Variants in FGL1 observed in about 807,000 individuals in gnomAD.
FGL1 encodes the protein fibrinogen-like protein 1.
In FGL1, 59 loss-of-function variants were observed where a neutral mutation model predicts 43.7. The observed-to-expected ratio is 1.35, with a 90% CI of 1.10 to 1.68. FGL1 has a LOEUF of 1.68. Among genes scored for constraint, FGL1 ranks in the 40% most tolerant of loss-of-function variants. FGL1 has a pLI of 0.00. For synonymous variants in FGL1, 192 were observed against 126.5 expected (o/e 1.52, Z -3.48); for missense variants, 596 against 373.0 (o/e 1.60, Z -4.92).
At chr8:17,885,204 C>G (rs2131736424) in intron 2 of FGL1, among the ~76,000 whole-genome samples, 1 of 151,844 alleles carries the variant, frequency 6.6e-6, no homozygotes, top group African/African-American at 2.4e-5. Flanking sequence ...TCACGCCCGG[C>G]TAATTTTTTG....
At chr8:17,892,078 T>C (rs181132217) in intron 1 of FGL1, among the ~76,000 whole-genome samples, 70 of 152,328 alleles carry the variant, frequency 4.6e-4, no homozygotes, top group African/African-American at 1.6e-3. Flanking sequence ...TGGCAATAAA[T>C]ATGTTTTTTG....
At chr8:17,877,444 C>G (rs1387182154) in intron 3 of FGL1, among the ~76,000 whole-genome samples, 6 of 152,044 alleles carry the variant, frequency 3.9e-5, no homozygotes, top group Non-Finnish European at 7.4e-5. Flanking sequence ...TTCCTCTTGT[C>G]TCAGGATGGT....
chr8:17,878,342 A>C (rs1385052125), intron 3 of FGL1, among the ~76,000 whole-genome samples: 1 of 152,226 alleles, frequency 6.6e-6, no homozygotes, highest in East Asian at 1.9e-4. Flanking sequence ...AATATGGGAC[A>C]CACAGAGGTT....
chr8:17,882,748 T>TATATA (rs1563457515), intron 2 of FGL1: 6 of 103,146 alleles, frequency 5.8e-5, no homozygotes, highest in East Asian at 2.4e-4. Context: ...TAATATATAA[T>TATATA]ATATATAATA....
rs560929772 is a variant in FGL1 at position 17,875,568 on chromosome 8, T to C, written c.245-1047A>G. ...TTCTTTCTTTCTTTCTTTCTTTCTT[T>C]CTTTCTTTCTTTCTTTCTTTCTTTC... On this transcript the variant is annotated intron_variant, in intron 3 of 7. Transcript: ENST00000427924. 7.9e-3 allele frequency among the ~76,000 whole-genome samples: 241 copies of C among 30,398 alleles called. 8 individuals are homozygous for C. The highest frequency in any genetic ancestry group is 0.022 in the African/African-American group (212 of 9,506). The allele number at this position is 30,398 out of a possible 152,430, so 19.9% of individuals were successfully genotyped here.
chr8:17,881,859 G>A (rs2053541254), intron 3 of FGL1, 140 bp downstream of exon 3: 2 of 634,346 alleles, frequency 3.2e-6, no homozygotes, highest in South Asian at 2.6e-5. Flanking sequence ...AGTAAAGTGT[G>A]AAAGAAGACA....
At chr8:17,890,869 G>A (rs1044838903) in intron 1 of FGL1, among the ~76,000 whole-genome samples, 1 of 151,930 alleles carries the variant, frequency 6.6e-6, no homozygotes, top group African/African-American at 2.4e-5. Flanking sequence ...GCAGCATGGG[G>A]GTAGCTGCCC....
chr8:17,882,148 C>A lies in FGL1; in HGVS notation c.95G>T (p.Arg32Leu). The A allele has an allele frequency of 6.2e-7, 1 of 1,613,794 alleles. No individual in the cohort carries two copies. The highest frequency in any genetic ancestry group is 8.5e-7 in the Non-Finnish European group (1 of 1,179,964). The change falls in exon 3 of 8, where the codon CGG becomes CTG. Residue 32 changes from arginine to leucine, a missense_variant. Transcript: ENST00000427924. The part of the protein sequence containing the change: ...ALEDCAQEQM[R>L]LRAQVRLLET... ...AAGCAGGCGCACCTGGGCTCTGAGCCGCATCTGCTCCTGGGCACAGTCCTC... is the reference window on the plus strand; with the variant it reads ...AAGCAGGCGCACCTGGGCTCTGAGCAGCATCTGCTCCTGGGCACAGTCCTC...
chr8:17,872,467 T>TA (rs1309994560), intron 5 of FGL1, among the ~76,000 whole-genome samples: 4 of 152,040 alleles, frequency 2.6e-5, no homozygotes, highest in Admixed American at 1.3e-4. Flanking sequence ...CATGCCTGGC[T>TA]AATTTTTGTA....
chr8:17,877,676 T>C (rs1469509676), intron 3 of FGL1, among the ~76,000 whole-genome samples: 2 of 152,046 alleles, frequency 1.3e-5, no homozygotes, highest in Non-Finnish European at 2.9e-5. Flanking sequence ...TTGGGGTACA[T>C]GTGATATTTT....
chr8:17,889,689 T>A (rs1013313362), intron 1 of FGL1, among the ~76,000 whole-genome samples: 5 of 152,218 alleles, frequency 3.3e-5, no homozygotes, highest in African/African-American at 1.2e-4. Flanking sequence ...TCTGGGGATA[T>A]CCCCTGGGAA....
At chr8:17,880,150 C>G (rs1034244391) in intron 3 of FGL1, among the ~76,000 whole-genome samples, 1 of 152,156 alleles carries the variant, frequency 6.6e-6, no homozygotes, top group Non-Finnish European at 1.5e-5. Flanking sequence ...ATAGCCATCC[C>G]CACTACTGCA....
chr8:17,893,323 A>G (rs1182335520), intron 1 of FGL1, among the ~76,000 whole-genome samples: 2 of 152,030 alleles, frequency 1.3e-5, no homozygotes, highest in African/African-American at 2.4e-5. Flanking sequence ...AATGCTCTGA[A>G]TGATGCACCT....
chr8:17,877,836 A>T (rs1220192081), intron 3 of FGL1, among the ~76,000 whole-genome samples: 2 of 152,126 alleles, frequency 1.3e-5, no homozygotes, highest in Non-Finnish European at 2.9e-5. Flanking sequence ...AGAATGCGAT[A>T]CTCTTGTAGG....
At chr8:17,878,266 C>A (rs1030909201) in intron 3 of FGL1, among the ~76,000 whole-genome samples, 11 of 152,168 alleles carry the variant, frequency 7.2e-5, no homozygotes, top group African/African-American at 2.7e-4. Flanking sequence ...TATTTTCACT[C>A]ATTTGAATAT....
At chr8:17,892,057 G>T (rs1207129300) in intron 1 of FGL1, among the ~76,000 whole-genome samples, 3 of 152,092 alleles carry the variant, frequency 2.0e-5, no homozygotes, top group Non-Finnish European at 4.4e-5. Flanking sequence ...AGTTTGACTC[G>T]TGTTTTCAGT....
chr8:17,864,610 A>T lies in FGL1; in HGVS notation c.921T>A (p.Phe307Leu). 6.2e-7 allele frequency: 1 copy of T among 1,607,750 alleles called. No homozygotes were observed. The highest frequency in any genetic ancestry group is 8.5e-7 in the Non-Finnish European group (1 of 1,178,588). ...SVVMKIRPNDFIPNVI is the reference protein window; with the variant it reads ...SVVMKIRPNDLIPNVI ...GCAGCAATTAAATTACATTTGGAAT[A>T]AAATCATTTGGCCTAATTTTCATAA... Residue 307 changes from phenylalanine (F) to leucine (L), a missense_variant, in exon 8 of 8, where the codon TTT becomes TTA. By Grantham distance (22) the Phe-to-Leu change is conservative. Coordinates refer to ENST00000427924, the MANE Select transcript of FGL1 (RefSeq NM_004467.4).
At chr8:17,885,801 G>A (rs185824929) in intron 1 of FGL1, 2 of 472,000 alleles carry the variant, frequency 4.2e-6, no homozygotes, top group East Asian at 3.5e-5. Flanking sequence ...AAGGACTCTG[G>A]TTCTTTTCGC....
intron 1 of FGL1, among the ~76,000 whole-genome samples, chr8:17,886,376 A>G (rs2053628277): frequency 6.6e-6 from 1 of 152,196 alleles, no homozygotes; most frequent in African/African-American, 2.4e-5. Context: ...GAGTGAAGAA[A>G]AAGTTTAAAA....
Sources: allele counts gnomAD v4.1 joint callset (sites outside exome capture counted in the v4.1 genomes callset), GRCh38; gene constraint gnomAD v4.1.1; transcripts MANE v1.5; gene names NCBI Gene and HGNC (gene_info 2026-07-23, HGNC 2026-07-21).